Variants in HERC4 observed in about 807,000 individuals in gnomAD.
HERC4 encodes HECT and RLD domain containing E3 ubiquitin protein ligase 4.
A neutral mutation model predicts 124.3 loss-of-function variants in HERC4; 28 were observed. The ratio of observed to expected loss-of-function variants is 0.23; its 90% confidence interval spans 0.17 to 0.31. The LOEUF (loss-of-function observed/expected upper bound fraction) is 0.31, where lower values mean the gene tolerates loss of function less well. Ranked by LOEUF, HERC4 falls within the 10% of genes least tolerant of loss-of-function variation. HERC4 has a pLI of 1.00. For synonymous variants in HERC4, 407 were observed against 421.5 expected, an observed-to-expected ratio of 0.97 and a Z score of 0.42; for missense variants, 713 against 1,229.3, an observed-to-expected ratio of 0.58 and a Z score of 6.28.
chr10:67,957,662 G>A (rs1003306513), intron 16 of HERC4, among the ~76,000 whole-genome samples: 1 of 152,118 alleles, frequency 6.6e-6, no homozygotes, highest in Non-Finnish European at 1.5e-5. Flanking sequence ...GTTGGAGGAC[G>A]ACCTACTTCT....
intron 9 of HERC4, among the ~76,000 whole-genome samples, chr10:68,007,553 A>AT: frequency 6.6e-6 from 1 of 152,048 alleles, no homozygotes; most frequent in Non-Finnish European, 1.5e-5. Context: ...AGAGTTAGGT[A>AT]TTTATTCTAT....
At chr10:67,933,477 C>T (rs2032039946) in intron 22 of HERC4, among the ~76,000 whole-genome samples, 1 of 152,126 alleles carries the variant, frequency 6.6e-6, no homozygotes, top group African/African-American at 2.4e-5. Flanking sequence ...CTAGCCACAA[C>T]ATTTTATGAT....
intron 15 of HERC4, among the ~76,000 whole-genome samples, chr10:67,976,716 G>C (rs2035611222): frequency 6.6e-6 from 1 of 152,184 alleles, no homozygotes; most frequent in Non-Finnish European, 1.5e-5. Flanking sequence ...AGGCATTGTG[G>C]TGCAGAGAGC....
chr10:67,947,839 C>CTTTTTTTTTTT (rs34189806), intron 19 of HERC4, among the ~76,000 whole-genome samples: 41 of 107,310 alleles, frequency 3.8e-4, no homozygotes, highest in Admixed American at 4.4e-4. Context: ...ACAATACACT[C>CTTTTTTTTTTT]TTTTTTTTTT....
intron 1 of HERC4, chr10:68,074,806 C>G (rs2041732538): frequency 6.5e-6 from 1 of 152,740 alleles, no homozygotes. Flanking sequence ...GAGCCACAGC[C>G]CTGCCCTCGC....
At chr10:67,997,539 T>C in intron 9 of HERC4, among the ~76,000 whole-genome samples, 1 of 152,202 alleles carries the variant, frequency 6.6e-6, no homozygotes, top group East Asian at 1.9e-4. Flanking sequence ...ATTTGATTTT[T>C]GCCTTCCTGT....
At position 68,058,381 on chromosome 10, in the gene HERC4, G is replaced by C. The variant is rs1258909260; in HGVS notation, c.227-13818C>G. Among the ~76,000 whole-genome samples, 3 of 152,130 alleles carry C rather than the reference G, an allele frequency of 2.0e-5. No individual in the cohort carries two copies. In the South Asian group the frequency reaches 6.2e-4, roughly 31 times the overall value. On this transcript the variant is annotated intron_variant, in intron 3 of 24. Transcript: ENST00000373700. Reference sequence around the variant, plus strand: ...ACTTCAGGCATAAATGAAAAGATCTGTATTGTATATCTGGAGGTAATTATG... The same window carrying C: ...ACTTCAGGCATAAATGAAAAGATCTCTATTGTATATCTGGAGGTAATTATG...
chr10:68,062,363 G>A (rs539793444), intron 3 of HERC4, among the ~76,000 whole-genome samples: 8 of 152,018 alleles, frequency 5.3e-5, no homozygotes, highest in South Asian at 2.1e-4. Context: ...GGCTCTTTCC[G>A]TTACATTTAC....
At chr10:68,037,992 A>G in intron 5 of HERC4, 101 bp downstream of exon 5, 1 of 669,884 alleles carries the variant, frequency 1.5e-6, no homozygotes, top group African/African-American at 1.9e-5. Flanking sequence ...GAACCAGGGC[A>G]ATCTTGCAGA....
At chr10:68,050,746 A>G (rs1012145964) in intron 3 of HERC4, among the ~76,000 whole-genome samples, 2 of 152,186 alleles carry the variant, frequency 1.3e-5, no homozygotes, top group South Asian at 2.1e-4. Context: ...CTAGAAAGTC[A>G]TATCAATGGT....
chr10:68,046,093 A>G (rs1210508192), intron 3 of HERC4, among the ~76,000 whole-genome samples: 1 of 152,206 alleles, frequency 6.6e-6, no homozygotes, highest in Non-Finnish European at 1.5e-5. Context: ...GAAACATACA[A>G]AAACAAAAAA....
chr10:68,069,108 T>C (rs2041444011), intron 3 of HERC4: 3 of 980,000 alleles, frequency 3.1e-6, no homozygotes, highest in Admixed American at 6.1e-5. Flanking sequence ...AACATAACCA[T>C]GGTCACCAAA....
At chr10:68,022,516 T>TAAAG (rs1190846472) in intron 8 of HERC4, among the ~76,000 whole-genome samples, 22 of 149,290 alleles carry the variant, frequency 1.5e-4, no homozygotes, top group African/African-American at 4.2e-4. Context: ...AATAAATAAA[T>TAAAG]AAATAAATAA....
At chr10:67,972,532 A>C (rs2035310490) in intron 15 of HERC4, among the ~76,000 whole-genome samples, 1 of 10,954 alleles carries the variant, frequency 9.1e-5, no homozygotes, top group Non-Finnish European at 5.7e-4. Flanking sequence ...AAAAGAGGAA[A>C]AAAAAAAAAA....
At chr10:68,022,806 A>G (rs1431105386) in intron 8 of HERC4, among the ~76,000 whole-genome samples, 1 of 152,034 alleles carries the variant, frequency 6.6e-6, no homozygotes, top group Non-Finnish European at 1.5e-5. Context: ...AGTATCTAGA[A>G]TATATAGAGA....
At chr10:67,935,495 C>T (rs772552321) in intron 22 of HERC4, among the ~76,000 whole-genome samples, 69 of 152,154 alleles carry the variant, frequency 4.5e-4, no homozygotes, top group Non-Finnish European at 9.3e-4. Flanking sequence ...AAGGATCTTT[C>T]ACTATACGGT....
intron 5 of HERC4, among the ~76,000 whole-genome samples, chr10:68,036,495 G>C (rs1008056270): frequency 2.0e-5 from 3 of 151,950 alleles, no homozygotes; most frequent in Non-Finnish European, 4.4e-5. Context: ...AAACAACAAA[G>C]AATACACAGA....
At position 68,059,576 on chromosome 10, in the gene HERC4, C is replaced by A. The variant is rs1442656840; in HGVS notation, c.226+13307G>T. 4.5e-3 allele frequency among the ~76,000 whole-genome samples: 298 copies of A among 65,774 alleles called. 17 individuals are homozygous for A. The highest frequency in any genetic ancestry group is 0.022 in the African/African-American group (252 of 11,218). The allele number at this position is 65,774 out of a possible 152,430, so 43.2% of individuals were successfully genotyped here. A position where few individuals can be genotyped will look rare whatever the true frequency, so the allele number is the denominator to read the frequency against. ...TAATATATATCATAATATTATATATCATATTATATATCATATTATATATCA... is the reference window on the plus strand; with the variant it reads ...TAATATATATCATAATATTATATATAATATTATATATCATATTATATATCA... On this transcript the variant is annotated intron_variant, in intron 3 of 24. Coordinates refer to ENST00000373700, the MANE Select transcript of HERC4 (RefSeq NM_015601.4).
chr10:67,923,211 A>C (rs1303810309), intron 24 of HERC4, 72 bp from the exon 25 acceptor site: 1 of 1,120,816 alleles, frequency 8.9e-7, no homozygotes, highest in South Asian at 1.3e-5. Flanking sequence ...TATTTGGTAC[A>C]GTCGCTACAG....
Sources: allele counts gnomAD v4.1 joint callset (sites outside exome capture counted in the v4.1 genomes callset), GRCh38; gene constraint gnomAD v4.1.1; transcripts MANE v1.5; gene names NCBI Gene and HGNC (gene_info 2026-07-23, HGNC 2026-07-21).